The following DAB1 variants were observed in gnomAD, a reference collection of about 807,000 sequenced individuals.
DAB1 encodes DAB adaptor protein 1, also known as disabled homolog 1.
Under a neutral mutation model 64.6 loss-of-function variants are expected in DAB1, and 15 were observed. That is an observed-to-expected ratio of 0.23 (90% CI 0.16 to 0.36). DAB1 has a LOEUF of 0.36. Ranked by LOEUF, DAB1 falls within the 10% of genes least tolerant of loss-of-function variation. The pLI, the probability that DAB1 is intolerant of heterozygous loss-of-function variation, is 1.00. For missense variants in DAB1, 596 were observed against 706.7 expected, an observed-to-expected ratio of 0.84 and a Z score of 1.78; for synonymous variants, 235 against 251.9, an observed-to-expected ratio of 0.93 and a Z score of 0.64.
intron 1 of DAB1, among the ~76,000 whole-genome samples, chr1:57,317,737 G>A (rs1332053621): frequency 6.6e-6 from 1 of 152,150 alleles, no homozygotes; most frequent in Non-Finnish European, 1.5e-5. Context: ...AAATCTGCAT[G>A]TTAGGAAGAT....
chr1:57,530,625 G>T (rs1175981569), intron 7 of DAB1, among the ~76,000 whole-genome samples: 1 of 151,924 alleles, frequency 6.6e-6, no homozygotes, highest in Non-Finnish European at 1.5e-5. Flanking sequence ...ATTACTTGGG[G>T]AACCAAGCAA....
intron 6 of DAB1, among the ~76,000 whole-genome samples, chr1:57,766,438 C>T (rs1649314728): frequency 6.6e-6 from 1 of 152,080 alleles, no homozygotes; most frequent in Non-Finnish European, 1.5e-5. Context: ...TCTAGCTCAA[C>T]CTGCTCCTCC....
At chr1:58,498,255 A>C (rs1364616594) in intron 3 of DAB1, among the ~76,000 whole-genome samples, 1 of 151,008 alleles carries the variant, frequency 6.6e-6, no homozygotes, top group Non-Finnish European at 1.5e-5. Flanking sequence ...AAAAAAAAAC[A>C]ACTTTTTCCA....
In DAB1 at chr1:57,028,799, G is replaced by A. The variant is rs555152908; in HGVS notation, c.724-2756C>T. Among the ~76,000 whole-genome samples, 11 of 152,270 alleles carry A rather than the reference G, an allele frequency of 7.2e-5. No homozygotes were observed. The East Asian group carries it at 1.9e-3, about 27-fold the overall frequency. ...TGAGAGAGATAATTTAGGGTATCTGGCAGAAGAAATTTCCAAGCAGCAAAG... is the reference window on the plus strand; with the variant it reads ...TGAGAGAGATAATTTAGGGTATCTGACAGAAGAAATTTCCAAGCAGCAAAG... On this transcript the variant is annotated intron_variant, in intron 9 of 14. Coordinates refer to ENST00000371236, the MANE Select transcript of DAB1 (RefSeq NM_001365792.1).
chr1:57,638,578 G>C (rs142573272), intron 7 of DAB1, among the ~76,000 whole-genome samples: 2 of 152,288 alleles, frequency 1.3e-5, no homozygotes, highest in African/African-American at 4.8e-5. Context: ...TTGCTGAAGA[G>C]AAAGGTCTAA....
intron 5 of DAB1, among the ~76,000 whole-genome samples, chr1:58,082,018 T>TC (rs139084756): frequency 0.068 from 10,301 of 152,188 alleles, 425 homozygotes; most frequent in African/African-American, 0.1. Context: ...CTACAAGAGA[T>TC]TTGGCAGTCC....
At chr1:57,633,967 A>C (rs150444833) in intron 7 of DAB1, among the ~76,000 whole-genome samples, 20 of 152,366 alleles carry the variant, frequency 1.3e-4, no homozygotes, top group African/African-American at 4.6e-4. Flanking sequence ...TCTGTCTCAC[A>C]AGAGTCAATT....
intron 3 of DAB1, among the ~76,000 whole-genome samples, chr1:58,487,958 A>G (rs1416738868): frequency 6.6e-6 from 1 of 152,202 alleles, no homozygotes; most frequent in African/African-American, 2.4e-5. Context: ...TCTAATGATT[A>G]TGACTTTGAC....
intron 4 of DAB1, among the ~76,000 whole-genome samples, chr1:58,255,936 C>T (rs778108820): frequency 1.5e-4 from 23 of 152,172 alleles, no homozygotes; most frequent in Non-Finnish European, 3.2e-4. Flanking sequence ...AACTAATGTG[C>T]CTAAGCTCCC....
intron 5 of DAB1, among the ~76,000 whole-genome samples, chr1:57,989,179 T>C (rs992876318): frequency 6.6e-6 from 1 of 152,150 alleles, no homozygotes; most frequent in Non-Finnish European, 1.5e-5. Flanking sequence ...TAATACCTCA[T>C]AGAGTAGGCA....
At chr1:57,267,311 C>T (rs79035575) in intron 2 of DAB1, among the ~76,000 whole-genome samples, 14 of 151,756 alleles carry the variant, frequency 9.2e-5, no homozygotes, top group Non-Finnish European at 2.1e-4. Context: ...GGACTTCTGG[C>T]CTCCAGAACG....
chr1:57,186,892 G>A (rs1231453736), intron 2 of DAB1, among the ~76,000 whole-genome samples: 1 of 152,136 alleles, frequency 6.6e-6, no homozygotes, highest in East Asian at 1.9e-4. Flanking sequence ...TGGCAACTGG[G>A]GAGGTCTTGA....
At chr1:57,744,681 T>C (rs962963760) in intron 6 of DAB1, among the ~76,000 whole-genome samples, 2 of 152,146 alleles carry the variant, frequency 1.3e-5, no homozygotes, top group Non-Finnish European at 2.9e-5. Flanking sequence ...CATGAGCAAG[T>C]GTCCTCTGAA....
chr1:58,520,019 C>T (rs528759249), intron 2 of DAB1, among the ~76,000 whole-genome samples: 1 of 152,224 alleles, frequency 6.6e-6, no homozygotes, highest in South Asian at 2.1e-4. Context: ...ATTGCATGTT[C>T]TCACTCATAA....
chr1:58,133,617 A>C (rs1653771423), intron 5 of DAB1, among the ~76,000 whole-genome samples: 1 of 152,198 alleles, frequency 6.6e-6, no homozygotes, highest in African/African-American at 2.4e-5. Context: ...TTGATCAATA[A>C]GTTTATTGAT....
At chr1:57,721,336 C>T (rs989638096) in intron 6 of DAB1, among the ~76,000 whole-genome samples, 6 of 152,184 alleles carry the variant, frequency 3.9e-5, no homozygotes, top group African/African-American at 1.4e-4. Flanking sequence ...AAAAAAAGAA[C>T]TTAAATAAAT....
At chr1:58,307,580 G>A (rs12066891) in intron 4 of DAB1, among the ~76,000 whole-genome samples, 67,123 of 152,032 alleles carry the variant, frequency 0.44, 15,313 homozygotes, top group Middle Eastern at 0.58. Context: ...GGCACGCCAG[G>A]AGCCTGGATT....
At chr1:57,455,532 A>T (rs1686555513) in intron 7 of DAB1, among the ~76,000 whole-genome samples, 1 of 152,130 alleles carries the variant, frequency 6.6e-6, no homozygotes, top group South Asian at 2.1e-4. Context: ...AGATCCCTAA[A>T]ACCACAGTGT....
At chr1:58,198,235 T>C (rs1363868924) in intron 4 of DAB1, among the ~76,000 whole-genome samples, 1 of 152,188 alleles carries the variant, frequency 6.6e-6, no homozygotes, top group East Asian at 1.9e-4. Context: ...CAAACAACAA[T>C]TGTTTATTAA....
Sources: allele counts gnomAD v4.1 joint callset (sites outside exome capture counted in the v4.1 genomes callset), GRCh38; gene constraint gnomAD v4.1.1; transcripts MANE v1.5; gene names NCBI Gene and HGNC (gene_info 2026-07-23, HGNC 2026-07-21).